Variants in WDFY2 observed in about 807,000 individuals in gnomAD.
The protein encoded by WDFY2 is WD repeat and FYVE domain containing 2.
Under a neutral mutation model 56.4 loss-of-function variants are expected in WDFY2, and 36 were observed. That is an observed-to-expected ratio of 0.64 (90% CI 0.49 to 0.84). WDFY2 has a LOEUF of 0.84. Ranked by LOEUF, WDFY2 falls within the 40% of genes least tolerant of loss-of-function variation. The probability of loss-of-function intolerance (pLI) is 0.00; values close to 1 mark genes in which losing one functional copy is unlikely to be tolerated. For missense variants in WDFY2, 444 were observed against 512.2 expected, an observed-to-expected ratio of 0.87 and a Z score of 1.29; for synonymous variants, 176 against 183.7, an observed-to-expected ratio of 0.96 and a Z score of 0.34.
chr13:51,642,248 G>T (rs1223308837), intron 1 of WDFY2, among the ~76,000 whole-genome samples: 1 of 151,784 alleles, frequency 6.6e-6, no homozygotes, highest in Non-Finnish European at 1.5e-5. Context: ...TTCTTCACTT[G>T]TAGCTAATTT....
At chr13:51,708,815 A>G (rs1952146083) in intron 4 of WDFY2, among the ~76,000 whole-genome samples, 1 of 152,222 alleles carries the variant, frequency 6.6e-6, no homozygotes, top group Non-Finnish European at 1.5e-5. Context: ...AGTAAAAGGA[A>G]GGAAGATGAT....
intron 1 of WDFY2, among the ~76,000 whole-genome samples, chr13:51,660,303 T>A (rs933538851): frequency 6.6e-6 from 1 of 151,940 alleles, no homozygotes; most frequent in Non-Finnish European, 1.5e-5. Context: ...TTCAAGTGAT[T>A]CTCCTGCCTC....
At chr13:51,680,073 C>T (rs1955952870) in intron 3 of WDFY2, among the ~76,000 whole-genome samples, 1 of 152,078 alleles carries the variant, frequency 6.6e-6, no homozygotes, top group Non-Finnish European at 1.5e-5. Context: ...TGTAAGTGTG[C>T]ACCACCATGC....
intron 1 of WDFY2, among the ~76,000 whole-genome samples, chr13:51,655,779 G>A (rs192394281): frequency 1.6e-4 from 24 of 152,142 alleles, no homozygotes; most frequent in Admixed American, 5.9e-4. Flanking sequence ...CAGTGAAGCC[G>A]TCTGGTTTTG....
chr13:51,707,123 G>A (rs1952099842), intron 4 of WDFY2, among the ~76,000 whole-genome samples: 1 of 152,204 alleles, frequency 6.6e-6, no homozygotes, highest in Non-Finnish European at 1.5e-5. Context: ...GTGGCAGATG[G>A]ATTTGATGTC....
chr13:51,765,124 C>T lies in WDFY2; in HGVS notation c.*5355C>T, dbSNP rs1372514686. On this transcript the variant is annotated 3_prime_UTR_variant, in exon 12 of 12. Transcript: ENST00000298125. Reference sequence around the variant, plus strand: ...TACAGGTCTGTCTGGGAGACCTGGCCCTGTGGAGGCAGGAACACCGTGCAG... The same window carrying T: ...TACAGGTCTGTCTGGGAGACCTGGCTCTGTGGAGGCAGGAACACCGTGCAG... 1 of 152,212 alleles carries T rather than the reference C, an allele frequency of 6.6e-6. No individual in the cohort carries two copies. Among genetic ancestry groups the T allele is most frequent in the Non-Finnish European group, 1.5e-5 (1 of 68,056 alleles). 9.4% of individuals were successfully genotyped at this position (152,212 alleles called of 1,614,324 possible).
intron 2 of WDFY2, among the ~76,000 whole-genome samples, chr13:51,665,017 A>G (rs889974515): frequency 6.6e-6 from 1 of 152,178 alleles, no homozygotes; most frequent in Non-Finnish European, 1.5e-5. Context: ...TCTGGTGGGG[A>G]AGGCAGACAT....
chr13:51,679,117 A>G (rs1345418195), intron 3 of WDFY2, among the ~76,000 whole-genome samples: 1 of 152,214 alleles, frequency 6.6e-6, no homozygotes, highest in East Asian at 1.9e-4. Flanking sequence ...AGTAGTAAGC[A>G]TTATGTAACG....
At chr13:51,597,503 C>T (rs764851428) in intron 1 of WDFY2, among the ~76,000 whole-genome samples, 10 of 152,092 alleles carry the variant, frequency 6.6e-5, no homozygotes, top group Non-Finnish European at 1.0e-4. Context: ...TTTCAGGACC[C>T]GACATTGCTT....
At chr13:51,693,754 CGTT>C (rs1202729597) in intron 3 of WDFY2, among the ~76,000 whole-genome samples, 53 of 152,082 alleles carry the variant, frequency 3.5e-4, no homozygotes, top group African/African-American at 1.2e-3. Flanking sequence ...CTTTCTGTCT[CGTT>C]GATCTGTCTA....
intron 2 of WDFY2, among the ~76,000 whole-genome samples, chr13:51,668,274 G>C (rs1955748449): frequency 6.6e-6 from 1 of 152,060 alleles, no homozygotes; most frequent in African/African-American, 2.4e-5. Flanking sequence ...CATTTATTTA[G>C]CATACTCTTC....
chr13:51,735,794 T>C (rs906504985), intron 6 of WDFY2, among the ~76,000 whole-genome samples: 11 of 152,216 alleles, frequency 7.2e-5, no homozygotes, highest in African/African-American at 2.7e-4. Flanking sequence ...AGAGCAGGCA[T>C]GGGACCCCAG....
chr13:51,651,222 C>T (rs1315452319), intron 1 of WDFY2, among the ~76,000 whole-genome samples: 1 of 152,200 alleles, frequency 6.6e-6, no homozygotes, highest in East Asian at 1.9e-4. Flanking sequence ...ATAGTATTCT[C>T]TGATAGTAGT....
chr13:51,585,237 C>T (rs912080823), intron 1 of WDFY2, among the ~76,000 whole-genome samples: 3 of 152,254 alleles, frequency 2.0e-5, no homozygotes, highest in Non-Finnish European at 4.4e-5. Context: ...TACTCTCGTA[C>T]AGCTCCCAGG....
chr13:51,622,853 CTTTTTTTTTT>C (rs59372497), intron 1 of WDFY2, among the ~76,000 whole-genome samples: 20,228 of 130,980 alleles, frequency 0.15, 1,728 homozygotes, highest in South Asian at 0.26. Context: ...TAACTTTACA[CTTTTTTTTTT>C]TTTTTTTTTT....
rs548117725 is a variant in WDFY2 at position 51,617,270 on chromosome 13, G to C, written c.137+32446G>C. Among the ~76,000 whole-genome samples, 9 of 152,228 alleles carry C rather than the reference G, an allele frequency of 5.9e-5. No homozygotes were observed. In the South Asian group the frequency reaches 1.9e-3, roughly 32 times the overall value. ...TCTGCTTCTAGGTTTGGCTGAGTGG[G>C]AAGTTTCATTCCATTATGAGAAAGG... On this transcript the variant is annotated intron_variant, in intron 1 of 11. Transcript: ENST00000298125.
chr13:51,692,555 T>C (rs1393296477), intron 3 of WDFY2, among the ~76,000 whole-genome samples: 2 of 152,220 alleles, frequency 1.3e-5, no homozygotes, highest in African/African-American at 4.8e-5. Context: ...CACTTGATCA[T>C]GGTGGATAAG....
intron 1 of WDFY2, among the ~76,000 whole-genome samples, chr13:51,642,717 T>G (rs1955192267): frequency 7.1e-6 from 1 of 140,540 alleles, no homozygotes; most frequent in Admixed American, 7.2e-5. Context: ...AGTCTCACTC[T>G]GTCGCCAGGC....
chr13:51,756,305 A>G (rs1223569071), intron 9 of WDFY2, 27 bp from the exon 10 acceptor site: 1 of 1,602,472 alleles, frequency 6.2e-7, no homozygotes, highest in Non-Finnish European at 8.5e-7. Context: ...AGCCGTGATG[A>G]GTATCTATTT....
Sources: gnomAD v4.1 joint callset for allele counts (sites outside exome capture counted in the v4.1 genomes callset) on GRCh38, gnomAD v4.1.1 for gene constraint, MANE v1.5 for transcripts, NCBI Gene and HGNC (gene_info 2026-07-23, HGNC 2026-07-21) for gene names.